Variants in PROM1 observed in about 807,000 individuals in gnomAD.
The protein encoded by PROM1 is prominin-1.
PROM1 carries 105 observed loss-of-function variants against 116.9 expected under a neutral mutation model. The observed-to-expected ratio is 0.90, with a 90% CI of 0.77 to 1.06. The LOEUF (loss-of-function observed/expected upper bound fraction) is 1.06. Among genes scored for constraint, PROM1 ranks in the 50% least tolerant of loss-of-function variants. PROM1 has a pLI of 0.00. For missense variants in PROM1, 1,122 were observed against 1,045.2 expected, an observed-to-expected ratio of 1.07 and a Z score of -1.01; for synonymous variants, 393 against 387.0, an observed-to-expected ratio of 1.02 and a Z score of -0.18.
intron 16 of PROM1, 23 bp downstream of exon 16, chr4:15,993,964 A>G: frequency 6.2e-7 from 1 of 1,608,720 alleles, no homozygotes; most frequent in Non-Finnish European, 8.5e-7. Context: ...TGTTATGTCG[A>G]TTCCATGACG....
At chr4:16,019,004 T>C (rs1157045576) in intron 8 of PROM1, among the ~76,000 whole-genome samples, 1 of 152,234 alleles carries the variant, frequency 6.6e-6, no homozygotes, top group Non-Finnish European at 1.5e-5. Flanking sequence ...GGTTTTAGAT[T>C]CAGGCAGGTC....
At chr4:16,050,441 T>C (rs1006039907) in intron 2 of PROM1, among the ~76,000 whole-genome samples, 1 of 152,124 alleles carries the variant, frequency 6.6e-6, no homozygotes, top group African/African-American at 2.4e-5. Flanking sequence ...GCATACATGA[T>C]CTCCTGGACT....
intron 24 of PROM1, chr4:15,980,139 A>T: frequency 1.7e-6 from 1 of 583,308 alleles, no homozygotes; most frequent in East Asian, 3.0e-5. Flanking sequence ...TCATAAAGTG[A>T]AATGCCAGGT....
chr4:16,029,495 G>T (rs1165522375), intron 5 of PROM1, among the ~76,000 whole-genome samples: 2 of 152,020 alleles, frequency 1.3e-5, no homozygotes, highest in Non-Finnish European at 2.9e-5. Context: ...GTGGAAATTC[G>T]ATCTTGTGCT....
At chr4:16,033,242 A>G in intron 5 of PROM1, 62 bp downstream of exon 5, 1 of 1,413,282 alleles carries the variant, frequency 7.1e-7, no homozygotes, top group Admixed American at 2.1e-5. Flanking sequence ...TTAACCATAA[A>G]AATGTGAGAC....
intron 5 of PROM1, among the ~76,000 whole-genome samples, chr4:16,025,868 T>G (rs941139718): frequency 6.6e-6 from 1 of 152,244 alleles, no homozygotes; most frequent in African/African-American, 2.4e-5. Context: ...GGTTGGAAAG[T>G]AACATGAGTT....
At chr4:16,032,278 AT>A in intron 5 of PROM1, among the ~76,000 whole-genome samples, 1 of 152,194 alleles carries the variant, frequency 6.6e-6, no homozygotes, top group East Asian at 1.9e-4. Flanking sequence ...GGTACACTGC[AT>A]TCCAATGAGT....
At chr4:15,986,616 C>T (rs1990271) in intron 20 of PROM1, among the ~76,000 whole-genome samples, 24,247 of 152,082 alleles carry the variant, frequency 0.16, 2,059 homozygotes, top group East Asian at 0.31. Context: ...TCATGAAAGG[C>T]CTTGCACCAC....
chr4:16,022,155 G>C (rs929475873), intron 8 of PROM1, among the ~76,000 whole-genome samples: 1 of 151,310 alleles, frequency 6.6e-6, no homozygotes, highest in Non-Finnish European at 1.5e-5. Flanking sequence ...AAGGGAGGGA[G>C]GGAGGGAGGA....
In PROM1 at chr4:15,987,697, A is replaced by C; in HGVS notation, c.2096T>G (p.Val699Gly). The change falls in exon 20 of 28, where the codon GTC becomes GGC. Residue 699 changes from valine (V) to glycine (G), a missense_variant. Physicochemically the swap from Val to Gly is moderately radical, Grantham distance 109. Coordinates refer to ENST00000447510, the MANE Select transcript of PROM1 (RefSeq NM_006017.3). The stretch of plus-strand genomic sequence containing the variant: ...ATTCCCTGTGCGTTGAAGTATCTTG[A>C]CGCTTTGGTATAGAGTGCTCTGGCA... Reference protein sequence around the residue: ...EQSLSTLYQSVKILQRTGNGL... With the variant: ...EQSLSTLYQSGKILQRTGNGL... 6.2e-7 allele frequency: 1 copy of C among 1,611,294 alleles called. No individual in the cohort carries two copies. Among genetic ancestry groups the C allele is most frequent in the African/African-American group, 1.3e-5 (1 of 74,878 alleles).
intron 5 of PROM1, 85 bp downstream of exon 5, chr4:16,033,219 T>C: frequency 8.0e-7 from 1 of 1,249,152 alleles, no homozygotes; most frequent in Non-Finnish European, 1.1e-6. Flanking sequence ...TTGTTTAGTT[T>C]TAAACTCATG....
chr4:15,969,808 C>A lies in PROM1; in HGVS notation c.*25-440G>T, dbSNP rs1344264915. ...GCCAGGCTGGTCTCGAACTCCTAAC[C>A]CCAAGTGATCTGCCCACCTCAGCTT... is the stretch of plus-strand genomic sequence containing the variant. On this transcript the variant is annotated intron_variant, in intron 27 of 27. Coordinates refer to ENST00000447510, the MANE Select transcript of PROM1 (RefSeq NM_006017.3). Among the ~76,000 whole-genome samples the A allele has an allele frequency of 2.6e-5, 4 of 151,876 alleles. No individual in the cohort carries two copies. The South Asian group carries it at 8.3e-4, about 32-fold the overall frequency.
chr4:15,998,985 A>G (rs1369164135), intron 14 of PROM1, among the ~76,000 whole-genome samples: 3 of 152,010 alleles, frequency 2.0e-5, no homozygotes, highest in Non-Finnish European at 4.4e-5. Context: ...CCACCTCAGC[A>G]TCCCAAAGTG....
intron 5 of PROM1, among the ~76,000 whole-genome samples, chr4:16,027,297 A>ACACACACAC (rs1553915427): frequency 1.4e-5 from 2 of 147,128 alleles, no homozygotes; most frequent in African/African-American, 5.0e-5. Context: ...GTGAAGAAGA[A>ACACACACAC]ACACACACAC....
chr4:16,020,977 A>C (rs1729707603), intron 8 of PROM1, among the ~76,000 whole-genome samples: 1 of 152,066 alleles, frequency 6.6e-6, no homozygotes, highest in African/African-American at 2.4e-5. Context: ...GCCAGCCCAT[A>C]GTATATTTCC....
intron 2 of PROM1, among the ~76,000 whole-genome samples, chr4:16,067,032 G>A (rs2149538146): frequency 6.6e-6 from 1 of 152,316 alleles, no homozygotes; most frequent in African/African-American, 2.4e-5. Flanking sequence ...CCCTATGAAA[G>A]TGAAGACACA....
intron 6 of PROM1, among the ~76,000 whole-genome samples, chr4:16,024,700 CGTGT>C (rs908688136): frequency 4.0e-5 from 6 of 151,748 alleles, no homozygotes; most frequent in African/African-American, 1.2e-4. Flanking sequence ...AGTATGTGTA[CGTGT>C]GTGTGTGTAT....
At chr4:16,026,944 A>G (rs1290877873) in intron 5 of PROM1, among the ~76,000 whole-genome samples, 2 of 152,170 alleles carry the variant, frequency 1.3e-5, no homozygotes, top group Non-Finnish European at 1.5e-5. Context: ...TGTGGACTCC[A>G]GTTGGTACCT....
At chr4:15,987,863 A>C in intron 19 of PROM1, 147 bp from the exon 20 acceptor site, 1 of 646,792 alleles carries the variant, frequency 1.5e-6, no homozygotes, top group Non-Finnish European at 2.6e-6. Flanking sequence ...AACACAATTA[A>C]CAATGTGTAC....
Sources: gnomAD v4.1 joint callset for allele counts (sites outside exome capture counted in the v4.1 genomes callset) on GRCh38, gnomAD v4.1.1 for gene constraint, MANE v1.5 for transcripts, NCBI Gene and HGNC (gene_info 2026-07-23, HGNC 2026-07-21) for gene names.